The following KIZ variants were observed in gnomAD, a reference collection of about 807,000 sequenced individuals.
KIZ encodes kizuna centrosomal protein, also known as centrosomal protein kizuna.
Under a neutral mutation model 79.6 loss-of-function variants are expected in KIZ, and 68 were observed. The observed-to-expected ratio is 0.85, with a 90% confidence interval of 0.70 to 1.05. KIZ has a LOEUF of 1.05. Ranked by LOEUF, KIZ falls within the 50% of genes least tolerant of loss-of-function variation. The probability of loss-of-function intolerance (pLI) is 0.00; values close to 1 mark genes in which losing one functional copy is unlikely to be tolerated. For synonymous variants in KIZ, 280 were observed against 281.8 expected (o/e 0.99, Z 0.06); for missense variants, 797 against 800.4 (o/e 1.00, Z 0.05).
At chr20:21,196,552 T>G (rs1180256417) in intron 6 of KIZ, 1 of 152,246 alleles carries the variant, frequency 6.6e-6, no homozygotes, top group Non-Finnish European at 1.5e-5. Context: ...GATAAAGGCT[T>G]CCAGGAAGAA....
In KIZ at chr20:21,229,174, G is replaced by A. The variant is rs962459678; in HGVS notation, c.1783+59G>A. On this transcript the variant is annotated intron_variant, in intron 10 of 12. Transcript: ENST00000619189. ...CAGAGTGGCAGGCAGGGCTGTGTTC[G>A]GGGAAGGGTGGTTATTCTTTATGAA... 39 of 934,388 alleles carry A rather than the reference G, an allele frequency of 4.2e-5. No individual in the cohort carries two copies. The South Asian group carries it at 4.9e-4, about 12-fold the overall frequency. 57.9% of individuals were successfully genotyped at this position (934,388 alleles called of 1,614,324 possible). A position where few individuals can be genotyped will look rare whatever the true frequency, so the allele number is the denominator to read the frequency against.
Position 21,166,192 on chromosome 20 carries a change from T to C in KIZ, c.1352+3033T>C, listed in dbSNP as rs1485201636. 3.2e-6 allele frequency: 4 copies of C among 1,254,096 alleles called. No individual in the cohort carries two copies. In the Admixed American group the frequency reaches 6.8e-5, roughly 21 times the overall value. 77.7% of individuals were successfully genotyped at this position (1,254,096 alleles called of 1,614,324 possible). On this transcript the variant is annotated intron_variant, in intron 6 of 12. Coordinates refer to ENST00000619189, the MANE Select transcript of KIZ (RefSeq NM_018474.6). ...CCATGAGGCATTTTATTTGTAAATA[T>C]ATGTATTACATCCCTAGAAAAAGAA...
At chr20:21,172,448 C>CA (rs201399471) in intron 6 of KIZ, among the ~76,000 whole-genome samples, 2,253 of 151,836 alleles carry the variant, frequency 0.015, 65 homozygotes, top group African/African-American at 0.052. Flanking sequence ...ACAAAAGATG[C>CA]AAAAAAATTA....
Position 21,162,334 on chromosome 20 carries a change from A to T in KIZ, c.869A>T (p.Asp290Val). The T allele has an allele frequency of 6.2e-7, 1 of 1,613,970 alleles. No individual in the cohort carries two copies. The highest frequency in any genetic ancestry group is 8.5e-7 in the Non-Finnish European group (1 of 1,179,862). The part of the protein sequence containing the change: ...ERLSPENRTT[D>V]LKCDSSSGSE... ...TTAAGTCCAGAGAACAGAACCACTG[A>T]TTTAAAGTGTGACAGTTCCAGCGGA... The change falls in exon 5 of 13, where the codon GAT (aspartate) becomes GTT (valine). Residue 290 changes from aspartate (D) to valine (V), a missense_variant. Transcript: ENST00000619189.
At chr20:21,158,569 TAAA>T (rs2033496301) in intron 4 of KIZ, 1 of 152,188 alleles carries the variant, frequency 6.6e-6, no homozygotes, top group Non-Finnish European at 1.5e-5. Flanking sequence ...TTGGATATAA[TAAA>T]AACTATAATT....
At chr20:21,181,112 G>C (rs1384735266) in intron 6 of KIZ, among the ~76,000 whole-genome samples, 1 of 152,226 alleles carries the variant, frequency 6.6e-6, no homozygotes. Flanking sequence ...ATGAACAGAG[G>C]CCTGGAGATA....
chr20:21,173,592 A>G (rs961652311), intron 6 of KIZ, among the ~76,000 whole-genome samples: 22 of 145,608 alleles, frequency 1.5e-4, no homozygotes, highest in African/African-American at 5.3e-4. Flanking sequence ...AAAAAAAAAA[A>G]AAAAGAAAGA....
intron 4 of KIZ, among the ~76,000 whole-genome samples, chr20:21,161,628 G>A (rs952583829): frequency 1.3e-5 from 2 of 151,986 alleles, no homozygotes; most frequent in African/African-American, 2.4e-5. Context: ...CACCACACCC[G>A]GCTTACTTTC....
At chr20:21,127,099 G>A (rs1292136679) in intron 1 of KIZ, among the ~76,000 whole-genome samples, 2 of 152,222 alleles carry the variant, frequency 1.3e-5, no homozygotes, top group Non-Finnish European at 2.9e-5. Flanking sequence ...AATAAAGGCA[G>A]AAGTGAGCGA....
intron 8 of KIZ, 55 bp from the exon 9 acceptor site, chr20:21,215,527 AG>A: frequency 9.8e-7 from 1 of 1,020,296 alleles, no homozygotes; most frequent in South Asian, 1.5e-5. Context: ...AAACACCCAA[AG>A]GATCTATTCC....
chr20:21,245,035 C>T (rs1306506524), intron 12 of KIZ: 1 of 152,388 alleles, frequency 6.6e-6, no homozygotes, highest in African/African-American at 2.4e-5. Flanking sequence ...ATCTAGCCCT[C>T]CTACCATAAC....
At chr20:21,180,732 G>A (rs1361274589) in intron 6 of KIZ, among the ~76,000 whole-genome samples, 1 of 152,150 alleles carries the variant, frequency 6.6e-6, no homozygotes, top group African/African-American at 2.4e-5. Flanking sequence ...GAGCCCAATA[G>A]CATTCAAGCC....
chr20:21,228,497 G>A (rs1373130471), intron 9 of KIZ, among the ~76,000 whole-genome samples: 1 of 152,060 alleles, frequency 6.6e-6, no homozygotes, highest in East Asian at 1.9e-4. Flanking sequence ...CTTCCCCATG[G>A]CAAGACTTGG....
intron 2 of KIZ, chr20:21,133,227 T>C (rs937345269): frequency 1.3e-5 from 2 of 152,232 alleles, no homozygotes; most frequent in African/African-American, 4.8e-5. Flanking sequence ...GTCTTCAAAA[T>C]TATTCTTTGG....
At chr20:21,153,515 G>C (rs1391048842) in intron 4 of KIZ, among the ~76,000 whole-genome samples, 2 of 152,174 alleles carry the variant, frequency 1.3e-5, no homozygotes, top group Non-Finnish European at 2.9e-5. Context: ...GGTCTAAGTT[G>C]TGAGATTTTG....
Position 21,130,281 on chromosome 20 carries a change from A to G in KIZ, c.90-1816A>G, listed in dbSNP as rs147419733. Among the ~76,000 whole-genome samples, 180 of 152,334 alleles carry G rather than the reference A, an allele frequency of 1.2e-3. 1 individual carries two copies. The East Asian group carries it at 0.021, about 18-fold the overall frequency. On this transcript the variant is annotated intron_variant, in intron 1 of 12. Coordinates refer to ENST00000619189, the MANE Select transcript of KIZ (RefSeq NM_018474.6). Reference sequence around the variant, plus strand: ...AGAGGGTGACCCTCAAGCTGAGTCTATCTGATGGTGTCTCATTACCAGACT... The same window carrying G: ...AGAGGGTGACCCTCAAGCTGAGTCTGTCTGATGGTGTCTCATTACCAGACT...
At chr20:21,210,378 CTTG>C (rs1336710645) in intron 7 of KIZ, among the ~76,000 whole-genome samples, 2 of 151,686 alleles carry the variant, frequency 1.3e-5, no homozygotes, top group African/African-American at 4.9e-5. Flanking sequence ...AATACATAAC[CTTG>C]TTTTTTTTTT....
At chr20:21,176,844 C>T (rs1196175827) in intron 6 of KIZ, among the ~76,000 whole-genome samples, 1 of 152,212 alleles carries the variant, frequency 6.6e-6, no homozygotes, top group Non-Finnish European at 1.5e-5. Context: ...GTGGGCTTAT[C>T]AGTAGATTGG....
intron 6 of KIZ, among the ~76,000 whole-genome samples, chr20:21,177,530 G>A (rs779252365): frequency 1.4e-4 from 22 of 152,008 alleles, no homozygotes; most frequent in Admixed American, 2.0e-4. Context: ...TCAGTAGATT[G>A]CCTTTTTGCT....
Sources: allele counts gnomAD v4.1 joint callset (sites outside exome capture counted in the v4.1 genomes callset), GRCh38; gene constraint gnomAD v4.1.1; transcripts MANE v1.5; gene names NCBI Gene and HGNC (gene_info 2026-07-23, HGNC 2026-07-21).